Variants in BEND5 observed in about 807,000 individuals in gnomAD.
The protein encoded by BEND5 is BEN domain-containing protein 5.
Under a neutral mutation model 43.9 loss-of-function variants are expected in BEND5, and 22 were observed. The ratio of observed to expected loss-of-function variants is 0.50; its 90% CI spans 0.36 to 0.72. The LOEUF is 0.72. Among genes scored for constraint, BEND5 ranks in the 30% least tolerant of loss-of-function variants. The probability of loss-of-function intolerance (pLI) is 0.00; values close to 1 mark genes in which losing one functional copy is unlikely to be tolerated. For synonymous variants in BEND5, 228 were observed against 225.9 expected (o/e 1.01, Z -0.08); for missense variants, 428 against 550.6 (o/e 0.78, Z 2.23).
chr1:48,735,683 T>C (rs2148573621), intron 5 of BEND5, among the ~76,000 whole-genome samples: 1 of 152,138 alleles, frequency 6.6e-6, no homozygotes, highest in South Asian at 2.1e-4. Flanking sequence ...GAAAGGAAGC[T>C]GAATCTAGTG....
At chr1:48,748,295 T>G (rs1651084584) in intron 3 of BEND5, among the ~76,000 whole-genome samples, 1 of 152,188 alleles carries the variant, frequency 6.6e-6, no homozygotes, top group Admixed American at 6.5e-5. Flanking sequence ...GTAGCGTGCC[T>G]CTGTTTCTTA....
At position 48,759,298 on chromosome 1, in the gene BEND5, C is replaced by A; in HGVS notation, c.361-14G>T. ...CCCCTCAGGTCTCTGTGTAGGACAA[C>A]GAGAATCAGTTCAGGCAAGGGCAGC... On this transcript the variant is annotated splice_polypyrimidine_tract_variant and intron_variant, in intron 2 of 5. Transcript: ENST00000371833. 6.5e-7 allele frequency: 1 copy of A among 1,550,140 alleles called. No individual in the cohort carries two copies. The highest frequency in any genetic ancestry group is 8.7e-7 in the Non-Finnish European group (1 of 1,146,842).
chr1:48,776,832 G>A lies in BEND5; in HGVS notation c.-1C>T, dbSNP rs957444701. On this transcript the variant is annotated 5_prime_UTR_variant, in exon 1 of 6. Coordinates refer to ENST00000371833, the MANE Select transcript of BEND5 (RefSeq NM_024603.4). ...CCAGGAACCGCACAAAGGCGTACAT[G>A]GTGGGCGCCGGGGGCGGGCCCCGGT... is the stretch of plus-strand genomic sequence containing the variant. 14 of 1,500,124 alleles carry A rather than the reference G, an allele frequency of 9.3e-6. No homozygotes were observed. The highest frequency in any genetic ancestry group is 2.0e-4 in the Middle Eastern group (1 of 4,996). 92.9% of individuals were successfully genotyped at this position (1,500,124 alleles called of 1,614,324 possible). A position where few individuals can be genotyped will look rare whatever the true frequency, so the allele number is the denominator to read the frequency against.
intron 1 of BEND5, among the ~76,000 whole-genome samples, chr1:48,762,222 C>T (rs998265331): frequency 5.3e-5 from 8 of 152,116 alleles, no homozygotes; most frequent in African/African-American, 1.7e-4. Context: ...CGTGTGCTCA[C>T]GACACATACT....
intron 3 of BEND5, among the ~76,000 whole-genome samples, chr1:48,747,657 C>T (rs1650984003): frequency 6.6e-6 from 1 of 152,166 alleles, no homozygotes; most frequent in African/African-American, 2.4e-5. Flanking sequence ...TGGCTTTTTC[C>T]CTAAAATGGA....
At chr1:48,753,197 T>C (rs1454924315) in intron 3 of BEND5, among the ~76,000 whole-genome samples, 3 of 152,272 alleles carry the variant, frequency 2.0e-5, no homozygotes, top group African/African-American at 7.2e-5. Flanking sequence ...TCAGTATTTC[T>C]GACCTCAGAG....
intron 3 of BEND5, among the ~76,000 whole-genome samples, chr1:48,747,033 C>G (rs1056766964): frequency 3.3e-5 from 5 of 152,180 alleles, no homozygotes. Context: ...GCTTCACTAC[C>G]GATGTTGGCA....
intron 5 of BEND5, among the ~76,000 whole-genome samples, chr1:48,732,437 T>G (rs752640244): frequency 1.7e-4 from 26 of 152,188 alleles, no homozygotes; most frequent in Non-Finnish European, 3.5e-4. Flanking sequence ...CTCATAAAGT[T>G]TAATTCTAAT....
intron 4 of BEND5, among the ~76,000 whole-genome samples, chr1:48,741,777 C>T (rs1391634109): frequency 3.3e-5 from 5 of 152,112 alleles, no homozygotes; most frequent in Non-Finnish European, 5.9e-5. Context: ...ACACATGACG[C>T]GTTAAGGAGA....
At position 48,736,116 on chromosome 1, in the gene BEND5, C is replaced by T; in HGVS notation, c.1108+123G>A. 1 of 1,146,848 alleles carries T rather than the reference C, an allele frequency of 8.7e-7. No homozygotes were observed. The highest frequency in any genetic ancestry group is 1.5e-5 in the African/African-American group (1 of 64,806). 71.0% of individuals were successfully genotyped at this position (1,146,848 alleles called of 1,614,324 possible). On this transcript the variant is annotated intron_variant, in intron 5 of 5. Transcript: ENST00000371833. This position sits in a 1 kb window ranked among gnomAD's most constrained non-coding sequence, Gnocchi z 4.0. ...GGGTTATCCGCTTGGTGTCCCCGGGCTCAGCCCAGGGTCTGGCATGCAGAA... is the reference window on the plus strand; with the variant it reads ...GGGTTATCCGCTTGGTGTCCCCGGGTTCAGCCCAGGGTCTGGCATGCAGAA...
intron 1 of BEND5, among the ~76,000 whole-genome samples, chr1:48,766,366 C>T (rs1360804795): frequency 6.6e-6 from 1 of 152,148 alleles, no homozygotes; most frequent in Non-Finnish European, 1.5e-5. Context: ...CATGGTAGAG[C>T]CAGAATAAAT....
At chr1:48,733,519 GC>G (rs1350082106) in intron 5 of BEND5, among the ~76,000 whole-genome samples, 1 of 152,180 alleles carries the variant, frequency 6.6e-6, no homozygotes, top group Non-Finnish European at 1.5e-5. Context: ...TTTAAAAACG[GC>G]TTGGAAAATG....
At chr1:48,747,664 T>C (rs915616069) in intron 3 of BEND5, among the ~76,000 whole-genome samples, 2 of 152,350 alleles carry the variant, frequency 1.3e-5, no homozygotes, top group Non-Finnish European at 2.9e-5. Flanking sequence ...TTCCCTAAAA[T>C]GGAAAGCATG....
chr1:48,763,663 C>T (rs1458896671), intron 1 of BEND5, among the ~76,000 whole-genome samples: 1 of 152,142 alleles, frequency 6.6e-6, no homozygotes, highest in African/African-American at 2.4e-5. Flanking sequence ...CTATGCCTTC[C>T]TGCGCTGAAA....
At chr1:48,761,831 T>A (rs1392557512) in intron 1 of BEND5, among the ~76,000 whole-genome samples, 1 of 152,128 alleles carries the variant, frequency 6.6e-6, no homozygotes, top group East Asian at 1.9e-4. Flanking sequence ...GGCACATGAA[T>A]CCCTCAACTC....
At chr1:48,751,798 G>A (rs1298554988) in intron 3 of BEND5, among the ~76,000 whole-genome samples, 1 of 152,198 alleles carries the variant, frequency 6.6e-6, no homozygotes, top group Non-Finnish European at 1.5e-5. Flanking sequence ...GGGACAGCCT[G>A]GAGTTGTCCC....
At chr1:48,746,054 T>C (rs1323753054) in intron 3 of BEND5, among the ~76,000 whole-genome samples, 1 of 152,148 alleles carries the variant, frequency 6.6e-6, no homozygotes, top group Non-Finnish European at 1.5e-5. Context: ...TCACATTCTA[T>C]CCTCAAGAGA....
chr1:48,761,161 G>T, intron 2 of BEND5, 176 bp downstream of exon 2: 1 of 659,524 alleles, frequency 1.5e-6, no homozygotes, highest in Non-Finnish European at 2.5e-6. Context: ...CTAGAAAGTT[G>T]GCCAGCAAGG....
intron 5 of BEND5, among the ~76,000 whole-genome samples, chr1:48,729,840 T>A (rs1033125752): frequency 6.6e-6 from 1 of 152,088 alleles, no homozygotes; most frequent in African/African-American, 2.4e-5. Flanking sequence ...ACTTCCTGAC[T>A]ATTCCCAAGC....
Sources: gnomAD v4.1 joint callset for allele counts (sites outside exome capture counted in the v4.1 genomes callset) on GRCh38, gnomAD v4.1.1 for gene constraint, Gnocchi (gnomAD v3.1) non-coding constraint, MANE v1.5 for transcripts, NCBI Gene and HGNC (gene_info 2026-07-23, HGNC 2026-07-21) for gene names.